AUTS2: variants seen among roughly 807,000 people sequenced by gnomAD.
AUTS2 encodes the protein activator of transcription and developmental regulator AUTS2.
A neutral mutation model predicts 112.4 loss-of-function variants in AUTS2; 17 were observed. The observed-to-expected ratio is 0.15, with a 90% CI of 0.10 to 0.23. The LOEUF is 0.23. Ranked by LOEUF, AUTS2 falls within the 10% of genes least tolerant of loss-of-function variation. The pLI is 1.00. For synonymous variants in AUTS2, 751 were observed against 702.7 expected, an observed-to-expected ratio of 1.07 and a Z score of -1.09; for missense variants, 1,510 against 1,701.6, an observed-to-expected ratio of 0.89 and a Z score of 1.98.
At chr7:70,274,602 TG>T (rs1787843265) in intron 4 of AUTS2, among the ~76,000 whole-genome samples, 1 of 152,086 alleles carries the variant, frequency 6.6e-6, no homozygotes, top group African/African-American at 2.4e-5. Context: ...TCAATTTTTT[TG>T]TTATTGTTGT....
intron 4 of AUTS2, among the ~76,000 whole-genome samples, chr7:70,260,897 G>A (rs908949694): frequency 6.6e-6 from 1 of 151,800 alleles, no homozygotes; most frequent in Non-Finnish European, 1.5e-5. Flanking sequence ...CTACAGGCAC[G>A]TGCCACCACA....
At chr7:69,707,896 T>C (rs1275437889) in intron 1 of AUTS2, among the ~76,000 whole-genome samples, 1 of 152,248 alleles carries the variant, frequency 6.6e-6, no homozygotes, top group Non-Finnish European at 1.5e-5. Context: ...TACTTGTTCG[T>C]TCAGTCGTGT....
At chr7:70,412,435 G>C (rs1407959911) in intron 4 of AUTS2, among the ~76,000 whole-genome samples, 1 of 152,172 alleles carries the variant, frequency 6.6e-6, no homozygotes, top group Non-Finnish European at 1.5e-5. Context: ...TCCTTGTCAA[G>C]GATCTTCGTA....
intron 1 of AUTS2, among the ~76,000 whole-genome samples, chr7:69,882,197 C>T (rs1035845911): frequency 2.8e-5 from 4 of 143,950 alleles, no homozygotes; most frequent in Non-Finnish European, 4.5e-5. Context: ...ATAGGCTGGG[C>T]GTGCTGGCTC....
At chr7:70,386,660 C>G (rs1793622546) in intron 4 of AUTS2, among the ~76,000 whole-genome samples, 1 of 152,110 alleles carries the variant, frequency 6.6e-6, no homozygotes. Flanking sequence ...ATGTTTTTTT[C>G]TAATATTCCA....
chr7:69,687,419 GC>G (rs1286759713), intron 1 of AUTS2, among the ~76,000 whole-genome samples: 2 of 152,078 alleles, frequency 1.3e-5, no homozygotes, highest in Non-Finnish European at 2.9e-5. Flanking sequence ...TTCTTGATAT[GC>G]CAGTTTCAAG....
At chr7:69,836,524 T>C (rs35322474) in intron 1 of AUTS2, among the ~76,000 whole-genome samples, 1 of 151,978 alleles carries the variant, frequency 6.6e-6, no homozygotes, top group African/African-American at 2.4e-5. Context: ...CCTTGTGTGG[T>C]GATTTTTTTT....
At chr7:70,077,019 T>C (rs528016669) in intron 2 of AUTS2, among the ~76,000 whole-genome samples, 8 of 152,254 alleles carry the variant, frequency 5.3e-5, no homozygotes, top group African/African-American at 1.9e-4. Flanking sequence ...TAAAGGGCTG[T>C]CATGTAGAAG....
rs370845947 is a variant in AUTS2 at position 70,749,085 on chromosome 7, T to G, written c.743-13785T>G. Among the ~76,000 whole-genome samples, 97 of 152,258 alleles carry G rather than the reference T, an allele frequency of 6.4e-4. No homozygotes were observed. The East Asian group carries it at 9.5e-3, about 15-fold the overall frequency. On this transcript the variant is annotated intron_variant, in intron 6 of 18. Coordinates refer to ENST00000342771, the MANE Select transcript of AUTS2 (RefSeq NM_015570.4). The stretch of plus-strand genomic sequence containing the variant: ...CTGGCTTTCGTGAATATGTTGTTTT[T>G]GGGGGTAGCTCCTAATCTGGTGAAC...
chr7:70,410,398 T>TTTTTTTTATTTA (rs1554394747), intron 4 of AUTS2, among the ~76,000 whole-genome samples: 11 of 140,766 alleles, frequency 7.8e-5, no homozygotes, highest in African/African-American at 1.6e-4. Context: ...AGGGTTTGTC[T>TTTTTTTTATTTA]TTTATTTATT....
At chr7:70,525,454 A>G (rs1430838363) in intron 5 of AUTS2, among the ~76,000 whole-genome samples, 1 of 152,190 alleles carries the variant, frequency 6.6e-6, no homozygotes, top group Admixed American at 6.5e-5. Context: ...TTAAGTTTAG[A>G]AATTCCAGAA....
intron 5 of AUTS2, among the ~76,000 whole-genome samples, chr7:70,446,661 A>G (rs1364592326): frequency 6.6e-6 from 1 of 152,202 alleles, no homozygotes; most frequent in Admixed American, 6.5e-5. Context: ...ATTATTTGCC[A>G]TAACCGAGTA....
chr7:69,760,065 A>G (rs1371898117), intron 1 of AUTS2, among the ~76,000 whole-genome samples: 2 of 151,808 alleles, frequency 1.3e-5, no homozygotes, highest in Non-Finnish European at 2.9e-5. Context: ...CTTCCATTGT[A>G]TAGTATGAAC....
rs559011208 is a variant in AUTS2 at position 69,640,049 on chromosome 7, G to A, written c.309+40087G>A. On this transcript the variant is annotated intron_variant, in intron 1 of 18. Transcript: ENST00000342771. ...AGTAAATTCAAGGGGAGTTAAAGTG[G>A]ATGATTTCTATGGCAACTTCCAGGC... Among the ~76,000 whole-genome samples, 11 of 152,290 alleles carry A rather than the reference G, an allele frequency of 7.2e-5. No individual in the cohort carries two copies. In the East Asian group the frequency reaches 1.9e-3, roughly 27 times the overall value.
intron 1 of AUTS2, among the ~76,000 whole-genome samples, chr7:69,634,974 G>T (rs1338167989): frequency 6.6e-6 from 1 of 151,006 alleles, no homozygotes; most frequent in African/African-American, 2.4e-5. Context: ...TCAAGTCATG[G>T]TTCAAAGTCT....
chr7:69,964,308 G>A (rs1403464123), intron 2 of AUTS2, among the ~76,000 whole-genome samples: 1 of 152,106 alleles, frequency 6.6e-6, no homozygotes, highest in Non-Finnish European at 1.5e-5. Flanking sequence ...TTTGATCCAG[G>A]TCAGTTCGCA....
intron 3 of AUTS2, among the ~76,000 whole-genome samples, chr7:70,128,186 C>A (rs1221281506): frequency 6.6e-6 from 1 of 152,262 alleles, no homozygotes; most frequent in East Asian, 1.9e-4. Context: ...TTTTTCCATT[C>A]CTGTCCCATA....
At chr7:69,879,809 A>G (rs1793964599) in intron 1 of AUTS2, among the ~76,000 whole-genome samples, 1 of 151,596 alleles carries the variant, frequency 6.6e-6, no homozygotes, top group African/African-American at 2.4e-5. Flanking sequence ...ATTGATTTTT[A>G]TTTTTTTTGA....
chr7:69,655,784 C>A (rs929364069), intron 1 of AUTS2, among the ~76,000 whole-genome samples: 1 of 152,112 alleles, frequency 6.6e-6, no homozygotes, highest in Non-Finnish European at 1.5e-5. Context: ...GAGGGCCGTG[C>A]CTTCCTGGGG....
Sources: allele counts gnomAD v4.1 joint callset (sites outside exome capture counted in the v4.1 genomes callset), GRCh38; gene constraint gnomAD v4.1.1; transcripts MANE v1.5; gene names NCBI Gene and HGNC (gene_info 2026-07-23, HGNC 2026-07-21).